RGS12: variants seen among roughly 807,000 people sequenced by gnomAD.
RGS12 encodes the protein regulator of G protein signaling 12, also known as regulator of G-protein signaling 12.
In RGS12, 66 loss-of-function variants were observed where a neutral mutation model predicts 120.1. The observed-to-expected ratio is 0.55, with a 90% CI of 0.45 to 0.67. RGS12 has a LOEUF of 0.67. Among genes scored for constraint, RGS12 ranks in the 30% least tolerant of loss-of-function variants. RGS12 has a pLI of 0.00. For missense variants in RGS12, 1,859 were observed against 1,957.7 expected (o/e 0.95, Z 0.95); for synonymous variants, 827 against 804.7 (o/e 1.03, Z -0.47).
At chr4:3,410,302 G>A (rs1422807463) in intron 4 of RGS12, among the ~76,000 whole-genome samples, 1 of 152,218 alleles carries the variant, frequency 6.6e-6, no homozygotes, top group Non-Finnish European at 1.5e-5. Context: ...TGTAGAGATA[G>A]GGTCTCACTG....
chr4:3,317,174 C>G lies in RGS12; in HGVS notation c.1004C>G (p.Thr335Ser), dbSNP rs1724831747. 6.2e-7 allele frequency: 1 copy of G among 1,614,134 alleles called. No homozygotes were observed. The highest frequency in any genetic ancestry group is 1.7e-5 in the Admixed American group (1 of 60,032). Reference sequence around the variant, plus strand: ...CAGGAGGAGGAGGGCGCCCTGCGGACTTCCTGCCACGTGTTCATGGTGGAC... The same window carrying G: ...CAGGAGGAGGAGGGCGCCCTGCGGAGTTCCTGCCACGTGTTCATGGTGGAC... ...LAQEEEGALRTSCHVFMVDPD... is the reference protein window; with the variant it reads ...LAQEEEGALRSSCHVFMVDPD... Residue 335 changes from threonine (T) to serine (S), a missense_variant, in exon 2 of 18, where the codon ACT (threonine) becomes AGT (serine). Transcript: ENST00000336727.
Position 3,439,806 on chromosome 4 carries a change from A to ACCCCCTGCCCTCCT in RGS12, c.*122_*123insCCCCCTGCCCTCCT. 2 of 970,528 alleles carry ACCCCCTGCCCTCCT rather than the reference A, an allele frequency of 2.1e-6. No individual in the cohort carries two copies. The highest frequency in any genetic ancestry group is 3.0e-6 in the Non-Finnish European group (2 of 676,508). 60.1% of individuals were successfully genotyped at this position (970,528 alleles called of 1,614,324 possible). A position where few individuals can be genotyped will look rare whatever the true frequency, so the allele number is the denominator to read the frequency against. On this transcript the variant is annotated 3_prime_UTR_variant, in exon 18 of 18. Coordinates refer to ENST00000336727, the MANE Select transcript of RGS12 (RefSeq NM_001394154.1). Reference sequence around the variant, plus strand: ...CCCTCAGGAGCCCAGCCAGGAGGGCAGGGGGTGACCTCGCTGGAGGCACTG... The same window carrying ACCCCCTGCCCTCCT: ...CCCTCAGGAGCCCAGCCAGGAGGGCACCCCCTGCCCTCCTGGGGGTGACCTCGCTGGAGGCACTG...
In RGS12 at chr4:3,417,413, G is replaced by A. The variant is rs771934019; in HGVS notation, c.2633G>A (p.Arg878Gln). Residue 878 changes from arginine to glutamine, a missense_variant, in exon 9 of 18, where the codon CGA becomes CAA. By Grantham distance (43) the Arg-to-Gln change is conservative (BLOSUM62 1). This residue lies in a region of RGS12 where 375 missense variants were observed against 475.0 expected (regional missense o/e 0.79). Coordinates refer to ENST00000336727, the MANE Select transcript of RGS12 (RefSeq NM_001394154.1). ...KKLSGKSKSG[R>Q]SLNEELGDED... Reference sequence around the variant, plus strand: ...TTAAGTGGAAAATCAAAATCCGGCCGATCCCTGAATGAAGAGCTGGGGGAT... The same window carrying A: ...TTAAGTGGAAAATCAAAATCCGGCCAATCCCTGAATGAAGAGCTGGGGGAT... The A allele has an allele frequency of 1.3e-5, 21 of 1,574,576 alleles. No homozygotes were observed. Among genetic ancestry groups the A allele is most frequent in the South Asian group, 2.3e-5 (2 of 88,098 alleles).
At chr4:3,357,247 T>C (rs192081555) in intron 3 of RGS12, among the ~76,000 whole-genome samples, 237 of 152,296 alleles carry the variant, frequency 1.6e-3, no homozygotes, top group African/African-American at 5.3e-3. Flanking sequence ...GTTGTTGAGT[T>C]ATAGAAGTTC....
chr4:3,293,404 T>G (rs1723164482), intron 1 of RGS12, among the ~76,000 whole-genome samples: 1 of 147,010 alleles, frequency 6.8e-6, no homozygotes, highest in African/African-American at 2.5e-5. Flanking sequence ...CCCCGCGCTG[T>G]GAGGCCCGCC....
intron 1 of RGS12, among the ~76,000 whole-genome samples, chr4:3,301,441 G>T (rs993892718): frequency 2.0e-5 from 3 of 152,258 alleles, no homozygotes; most frequent in Non-Finnish European, 4.4e-5. Flanking sequence ...GGGTTACCAG[G>T]TGTCGGTGAA....
chr4:3,377,842 C>T (rs944478884), intron 3 of RGS12, among the ~76,000 whole-genome samples: 1 of 152,196 alleles, frequency 6.6e-6, no homozygotes, highest in African/African-American at 2.4e-5. Flanking sequence ...TTTTAAAATA[C>T]TTCGTCAGTT....
intron 17 of RGS12, among the ~76,000 whole-genome samples, chr4:3,438,579 G>A (rs1385552108): frequency 1.3e-5 from 2 of 151,734 alleles, no homozygotes; most frequent in East Asian, 3.9e-4. Context: ...CCCAGCCTTC[G>A]TTGGCCCCTG....
intron 4 of RGS12, among the ~76,000 whole-genome samples, chr4:3,395,001 T>C (rs1303469905): frequency 2.0e-5 from 3 of 151,194 alleles, no homozygotes; most frequent in African/African-American, 7.3e-5. Flanking sequence ...AAACCCCGTC[T>C]CTACCAAAAA....
chr4:3,328,640 T>A (rs553611067), intron 2 of RGS12, among the ~76,000 whole-genome samples: 2 of 152,218 alleles, frequency 1.3e-5, no homozygotes, highest in African/African-American at 2.4e-5. Context: ...CGACTATATA[T>A]ACATACACAC....
chr4:3,300,520 C>T (rs368009579), intron 1 of RGS12, among the ~76,000 whole-genome samples: 2 of 151,286 alleles, frequency 1.3e-5, no homozygotes, highest in East Asian at 3.9e-4. Context: ...TGCCTGCTGG[C>T]ACAAATTATC....
chr4:3,318,934 A>C lies in RGS12; in HGVS notation c.1881+883A>C, dbSNP rs898462555. On this transcript the variant is annotated intron_variant, in intron 2 of 17. Coordinates refer to ENST00000336727, the MANE Select transcript of RGS12 (RefSeq NM_001394154.1). ...TAGCTCCCTTTGTTTCAGAGAAACT[A>C]CTCCGGCTGTTTACGATGTAAAGAC... is the stretch of plus-strand genomic sequence containing the variant. 2.6e-5 allele frequency among the ~76,000 whole-genome samples: 4 copies of C among 151,014 alleles called. No individual in the cohort carries two copies. The East Asian group carries it at 7.8e-4, about 29-fold the overall frequency.
At chr4:3,294,199 G>A (rs777186715) in intron 1 of RGS12, among the ~76,000 whole-genome samples, 1 of 152,276 alleles carries the variant, frequency 6.6e-6, no homozygotes, top group African/African-American at 2.4e-5. Flanking sequence ...TCCTGTGCAG[G>A]GCCCTTCTGA....
intron 3 of RGS12, among the ~76,000 whole-genome samples, chr4:3,377,095 T>C (rs1209403032): frequency 6.6e-6 from 1 of 151,544 alleles, no homozygotes; most frequent in Non-Finnish European, 1.5e-5. Context: ...CACTGCAGCC[T>C]TGATTTTCTT....
chr4:3,335,815 C>T (rs572016052), intron 2 of RGS12, among the ~76,000 whole-genome samples: 39 of 152,092 alleles, frequency 2.6e-4, no homozygotes, highest in African/African-American at 9.2e-4. Context: ...CTGGGCCGGG[C>T]GTGGTGGCTC....
chr4:3,346,037 G>T (rs1016334830), intron 3 of RGS12, among the ~76,000 whole-genome samples: 1 of 152,142 alleles, frequency 6.6e-6, no homozygotes, highest in Non-Finnish European at 1.5e-5. Context: ...GAGCCACCAT[G>T]CCCCGACCTG....
intron 3 of RGS12, among the ~76,000 whole-genome samples, chr4:3,373,939 A>G (rs935760671): frequency 6.6e-6 from 1 of 152,256 alleles, no homozygotes; most frequent in African/African-American, 2.4e-5. Flanking sequence ...TCATTAAGAA[A>G]TTGGACACCT....
chr4:3,300,592 C>T (rs1332759269), intron 1 of RGS12, among the ~76,000 whole-genome samples: 2 of 152,150 alleles, frequency 1.3e-5, no homozygotes, highest in Non-Finnish European at 2.9e-5. Flanking sequence ...AGACTGGAAG[C>T]CTGAAGTCAA....
At chr4:3,420,473 A>C in intron 9 of RGS12, 169 bp from the exon 10 acceptor site, 1 of 676,886 alleles carries the variant, frequency 1.5e-6, no homozygotes, top group East Asian at 2.8e-5. Flanking sequence ...TTAGGAAGAC[A>C]CATGTGACTC....
Sources: gnomAD v4.1 joint callset for allele counts (sites outside exome capture counted in the v4.1 genomes callset) on GRCh38, gnomAD v4.1.1 for gene constraint, gnomAD v4.1.1 regional missense constraint, MANE v1.5 for transcripts, NCBI Gene and HGNC (gene_info 2026-07-23, HGNC 2026-07-21) for gene names.